TNFRSF14: variants seen among roughly 807,000 people sequenced by gnomAD.
TNFRSF14 encodes TNF receptor superfamily member 14, also known as tumor necrosis factor receptor superfamily member 14.
In TNFRSF14, 18 loss-of-function variants were observed where a neutral mutation model predicts 34.1. The observed-to-expected ratio is 0.53, with a 90% CI of 0.36 to 0.78. The LOEUF (loss-of-function observed/expected upper bound fraction) is 0.78, where lower values mean the gene tolerates loss of function less well. TNFRSF14 is among the 30% of genes least tolerant of loss of function. The pLI, the probability that TNFRSF14 is intolerant of heterozygous loss-of-function variation, is 0.00. For missense variants in TNFRSF14, 352 were observed against 379.5 expected (o/e 0.93, Z 0.60); for synonymous variants, 157 against 153.2 (o/e 1.02, Z -0.18).
chr1:2,562,774 G>A, intron 6 of TNFRSF14, 91 bp from the exon 7 acceptor site: 1 of 1,528,980 alleles, frequency 6.5e-7, no homozygotes, highest in Admixed American at 1.7e-5. Context: ...CAGGAGTTGT[G>A]CCTCCGCCAC....
chr1:2,557,870 C>A, intron 2 of TNFRSF14, 36 bp downstream of exon 2: 2 of 1,531,214 alleles, frequency 1.3e-6, no homozygotes, highest in South Asian at 1.2e-5. Context: ...GCTCTGTGGG[C>A]CGAGGGCAGA....
At position 2,556,541 on chromosome 1, in the gene TNFRSF14, G is replaced by A. The variant is rs1260995767; in HGVS notation, c.-124G>A. 10 of 1,008,394 alleles carry A rather than the reference G, an allele frequency of 9.9e-6. No homozygotes were observed. Among genetic ancestry groups the A allele is most frequent in the African/African-American group, 1.6e-5 (1 of 62,422 alleles). 62.5% of individuals were successfully genotyped at this position (1,008,394 alleles called of 1,614,324 possible). A position where few individuals can be genotyped will look rare whatever the true frequency, so the allele number is the denominator to read the frequency against. On this transcript the variant is annotated 5_prime_UTR_variant, in exon 1 of 8. Transcript: ENST00000355716. ...GTTCTGAGGCACAGCTTGTCACACCGAGGCGGATTCTCTTTCTCTTTCTCT... is the reference window on the plus strand; with the variant it reads ...GTTCTGAGGCACAGCTTGTCACACCAAGGCGGATTCTCTTTCTCTTTCTCT...
Position 2,561,060 on chromosome 1 carries a change from A to G in TNFRSF14, c.551+346A>G. The G allele has an allele frequency of 2.8e-6, 1 of 359,630 alleles. No individual in the cohort carries two copies. The highest frequency in any genetic ancestry group is 5.1e-6 in the Non-Finnish European group (1 of 197,888). 22.3% of individuals were successfully genotyped at this position (359,630 alleles called of 1,614,324 possible). On this transcript the variant is annotated intron_variant, in intron 5 of 7. Transcript: ENST00000355716. The surrounding 1 kb of genome is among the most constrained non-coding windows in gnomAD (Gnocchi z 6.0). ...GGCCATGGGAGGGCCCCTGGGCTTC[A>G]GGGGTTGGGGAAAGTGAACACTCTG... is the stretch of plus-strand genomic sequence containing the variant.
At chr1:2,559,759 C>T (rs773463464) in intron 3 of TNFRSF14, 64 bp from the exon 4 acceptor site, 1 of 1,551,688 alleles carries the variant, frequency 6.4e-7, no homozygotes, top group East Asian at 2.4e-5. Context: ...TGGATGCTGT[C>T]CTGGCCCGTG....
intron 3 of TNFRSF14, 30 bp downstream of exon 3, chr1:2,558,498 C>G: frequency 6.2e-7 from 1 of 1,611,318 alleles, no homozygotes; most frequent in Non-Finnish European, 8.5e-7. Flanking sequence ...GGCCCAGCCT[C>G]CGCTTGGGCA....
chr1:2,556,513 C>A lies in TNFRSF14; in HGVS notation c.-152C>A. 1.2e-6 allele frequency: 1 copy of A among 807,726 alleles called. No individual in the cohort carries two copies. Among genetic ancestry groups the A allele is most frequent in the South Asian group, 1.5e-5 (1 of 68,888 alleles). 50.0% of individuals were successfully genotyped at this position (807,726 alleles called of 1,614,324 possible). On this transcript the variant is annotated 5_prime_UTR_variant, in exon 1 of 8. Transcript: ENST00000355716. Reference sequence around the variant, plus strand: ...CCCTGCTGCCCACTCTCCTGCTGCTCGGGTTCTGAGGCACAGCTTGTCACA... The same window carrying A: ...CCCTGCTGCCCACTCTCCTGCTGCTAGGGTTCTGAGGCACAGCTTGTCACA...
intron 7 of TNFRSF14, 46 bp from the exon 8 acceptor site, chr1:2,563,102 A>T (rs773664261): frequency 6.2e-7 from 1 of 1,608,314 alleles, no homozygotes. Context: ...CTGGAGTCCC[A>T]GGGGGGCCTG....
rs975806240 is a variant in TNFRSF14, at chr1:2,563,565, C to T, written c.*292C>T. 58 of 415,252 alleles carry T rather than the reference C, an allele frequency of 1.4e-4. No individual in the cohort carries two copies. The highest frequency in any genetic ancestry group is 1.1e-3 in the African/African-American group (55 of 50,986). 25.7% of individuals were successfully genotyped at this position (415,252 alleles called of 1,614,324 possible). A position where few individuals can be genotyped will look rare whatever the true frequency, so the allele number is the denominator to read the frequency against. ...GCCCCTCGCTCACAGACCACACACC[C>T]AGCCCTCCTGGGCCAGCCCAGAGGG... On this transcript the variant is annotated 3_prime_UTR_variant, in exon 8 of 8. Coordinates refer to ENST00000355716, the MANE Select transcript of TNFRSF14 (RefSeq NM_003820.4).
Position 2,556,610 on chromosome 1 carries a change from T to TGCTGGAGTTCATCCTGCTA in TNFRSF14, c.-49_-31dup. On this transcript the variant is annotated 5_prime_UTR_variant, in exon 1 of 8. The change creates a premature stop within an existing upstream ORF in the 5' untranslated region. Coordinates refer to ENST00000355716, the MANE Select transcript of TNFRSF14 (RefSeq NM_003820.4). The stretch of plus-strand genomic sequence containing the variant: ...CCGCAGCAATGGCGCTGAGTTCCTC[T>TGCTGGAGTTCATCCTGCTA]GCTGGAGTTCATCCTGCTAGCTGGG... 6.5e-7 allele frequency: 1 copy of TGCTGGAGTTCATCCTGCTA among 1,547,772 alleles called. No individual in the cohort carries two copies. The highest frequency in any genetic ancestry group is 8.8e-7 in the Non-Finnish European group (1 of 1,130,054).
At chr1:2,560,567 CCAGCCCCCTCCTGGCCTGGTGCCCT>C (rs1644292877) in intron 4 of TNFRSF14, 32 bp from the exon 5 acceptor site, 4 of 1,404,010 alleles carry the variant, frequency 2.8e-6, no homozygotes, top group Admixed American at 1.9e-5. Flanking sequence ...TCCCTAGCCG[CCAGCCCCCTCCTGGCCTGGTGCCCT>C]CAGCCCCCTC....
chr1:2,561,503 GA>G lies in TNFRSF14; in HGVS notation c.552-166del, dbSNP rs1644307731. 3 of 1,533,664 alleles carry G rather than the reference GA, an allele frequency of 2.0e-6. No individual in the cohort carries two copies. The highest frequency in any genetic ancestry group is 2.1e-5 in the Admixed American group (1 of 47,740). ...CTCCACCTCCCCATAGCCGAGCTTG[GA>G]AAAGTCAGACAGACCTCTGAGGTCT... On this transcript the variant is annotated intron_variant, in intron 5 of 7. Transcript: ENST00000355716. The surrounding 1 kb of genome is among the most constrained non-coding windows in gnomAD (Gnocchi z 6.0).
chr1:2,556,540 C>A lies in TNFRSF14; in HGVS notation c.-125C>A, dbSNP rs536457673. On this transcript the variant is annotated 5_prime_UTR_variant, in exon 1 of 8. Coordinates refer to ENST00000355716, the MANE Select transcript of TNFRSF14 (RefSeq NM_003820.4). Reference sequence around the variant, plus strand: ...GGTTCTGAGGCACAGCTTGTCACACCGAGGCGGATTCTCTTTCTCTTTCTC... The same window carrying A: ...GGTTCTGAGGCACAGCTTGTCACACAGAGGCGGATTCTCTTTCTCTTTCTC... 1.0e-6 allele frequency: 1 copy of A among 1,003,668 alleles called. No homozygotes were observed. Among genetic ancestry groups the A allele is most frequent in the South Asian group, 1.4e-5 (1 of 72,864 alleles). The allele number at this position is 1,003,668 out of a possible 1,614,324, so 62.2% of individuals were successfully genotyped here.
At chr1:2,554,475 C>T (rs543570390), upstream of TNFRSF14, among the ~76,000 whole-genome samples, 2 of 152,170 alleles carry the variant, frequency 1.3e-5, no homozygotes, top group African/African-American at 2.4e-5. The surrounding 1 kb of genome is among the most constrained non-coding windows in gnomAD (Gnocchi z 4.2). Flanking sequence ...CCGAGGCGGG[C>T]GGATACGGGG....
At chr1:2,556,221 G>A (rs1270132620), upstream of TNFRSF14, 9 of 444,880 alleles carry the variant, frequency 2.0e-5, no homozygotes, top group Non-Finnish European at 3.9e-5. Flanking sequence ...GTCAGTCAGC[G>A]CCCCGGGGAG....
chr1:2,558,236 C>A, intron 2 of TNFRSF14, 107 bp from the exon 3 acceptor site: 1 of 1,483,640 alleles, frequency 6.7e-7, no homozygotes, highest in South Asian at 1.3e-5. Context: ...TTTGAGTCCC[C>A]TTAGCTGGTG....
At chr1:2,562,457 A>C in intron 6 of TNFRSF14, 1 of 288,084 alleles carries the variant, frequency 3.5e-6, no homozygotes, top group Non-Finnish European at 6.6e-6. Context: ...CAATGCGGGG[A>C]GGTCTCGGGG....
chr1:2,559,390 G>A, intron 3 of TNFRSF14: 1 of 1,381,004 alleles, frequency 7.2e-7, no homozygotes, highest in South Asian at 1.2e-5. Flanking sequence ...ACCTGAAGAA[G>A]TGGGGCTCTC....
intron 6 of TNFRSF14, chr1:2,562,102 T>C: frequency 2.0e-6 from 1 of 499,762 alleles, no homozygotes; most frequent in East Asian, 3.4e-5. Flanking sequence ...CTGTGGGATG[T>C]GGGGAGCAGG....
Position 2,560,614 on chromosome 1 carries a change from C to G in TNFRSF14, c.461-10C>G. On this transcript the variant is annotated splice_polypyrimidine_tract_variant and intron_variant, in intron 4 of 7. Transcript: ENST00000355716. ...CCCTCAGCCCCCTCTGTCCGTCCCT[C>G]TCTTCTCAGGCACCGAGAGTCAGGA... The G allele has an allele frequency of 6.2e-7, 1 of 1,611,754 alleles. No individual in the cohort carries two copies. Among genetic ancestry groups the G allele is most frequent in the Non-Finnish European group, 8.5e-7 (1 of 1,178,956 alleles).
Sources: gnomAD v4.1 joint callset for allele counts (sites outside exome capture counted in the v4.1 genomes callset) on GRCh38, gnomAD v4.1.1 for gene constraint, Gnocchi (gnomAD v3.1) non-coding constraint, MANE v1.5 for transcripts, NCBI Gene and HGNC (gene_info 2026-07-23, HGNC 2026-07-21) for gene names.